The following UBR4 variants were observed in gnomAD, a reference collection of about 807,000 sequenced individuals.
The protein encoded by UBR4 is ubiquitin protein ligase E3 component n-recognin 4.
A neutral mutation model predicts 575.6 loss-of-function variants in UBR4; 124 were observed. The observed-to-expected ratio is 0.22, with a 90% CI of 0.19 to 0.25. UBR4 has a LOEUF of 0.25. Among genes scored for constraint, UBR4 ranks in the 10% least tolerant of loss-of-function variants. UBR4 has a pLI of 1.00. For synonymous variants in UBR4, 2,455 were observed against 2,473.7 expected, an observed-to-expected ratio of 0.99 and a Z score of 0.22; for missense variants, 4,818 against 6,478.8, an observed-to-expected ratio of 0.74 and a Z score of 8.80.
intron 97 of UBR4, among the ~76,000 whole-genome samples, chr1:19,091,698 C>T (rs2077527104): frequency 6.6e-6 from 1 of 152,226 alleles, no homozygotes; most frequent in African/African-American, 2.4e-5. Context: ...AGCAGCCATA[C>T]ATTTCCGGTG....
chr1:19,103,963 T>G, intron 87 of UBR4, 121 bp downstream of exon 87: 1 of 1,130,972 alleles, frequency 8.8e-7, no homozygotes, highest in East Asian at 2.4e-5. Context: ...TCCCTTTGAA[T>G]GCAGGGAGAT....
intron 25 of UBR4, among the ~76,000 whole-genome samples, chr1:19,172,493 G>T (rs61766803): frequency 0.073 from 11,057 of 152,120 alleles, 580 homozygotes; most frequent in Non-Finnish European, 0.12. Context: ...CTCCAGCCTG[G>T]GCGACAGAGC....
intron 5 of UBR4, 95 bp from the exon 6 acceptor site, chr1:19,198,144 TC>T (rs2151616989): frequency 8.2e-7 from 1 of 1,224,406 alleles, no homozygotes. Context: ...CTCTCCAGAC[TC>T]CCCAGTTAGT....
Position 19,173,201 on chromosome 1 carries a change from C to T in UBR4, c.3271G>A (p.Glu1091Lys). Residue 1091 changes from glutamate to lysine, a missense_variant, in exon 24 of 106, where the codon GAG becomes AAG. Coordinates refer to ENST00000375254, the MANE Select transcript of UBR4 (RefSeq NM_020765.3). ...SSVKYDVEIV[E>K]EYFARQISSF... is the part of the protein sequence containing the mutation. ...CATACCTGTCGAGCGAAGTATTCCT[C>T]TACTATTTCAACATCATATTTCACT... The T allele has an allele frequency of 6.2e-7, 1 of 1,614,170 alleles. No individual in the cohort carries two copies. Among genetic ancestry groups the T allele is most frequent in the Non-Finnish European group, 8.5e-7 (1 of 1,180,028 alleles).
chr1:19,176,458 T>C lies in UBR4; in HGVS notation c.2773+134A>G, dbSNP rs558045762. ...TCCATTTCTGAAATGTTTTAATCCA[T>C]AGGTGATTTGCCACCCATAGGGATT... is the stretch of plus-strand genomic sequence containing the variant. On this transcript the variant is annotated intron_variant, in intron 20 of 105. Coordinates refer to ENST00000375254, the MANE Select transcript of UBR4 (RefSeq NM_020765.3). The C allele has an allele frequency of 4.8e-5, 50 of 1,032,612 alleles. No homozygotes were observed. The South Asian group carries it at 5.3e-4, about 11-fold the overall frequency. 64.0% of individuals were successfully genotyped at this position (1,032,612 alleles called of 1,614,324 possible). A position where few individuals can be genotyped will look rare whatever the true frequency, so the allele number is the denominator to read the frequency against.
chr1:19,147,883 T>C, intron 51 of UBR4, 110 bp downstream of exon 51: 5 of 1,479,422 alleles, frequency 3.4e-6, no homozygotes, highest in Non-Finnish European at 4.5e-6. Flanking sequence ...CTAATCTGAA[T>C]GCTATCCTCC....
At position 19,197,917 on chromosome 1, in the gene UBR4, C is replaced by G. The variant is rs777224476; in HGVS notation, c.751+30G>C. 15 of 1,613,142 alleles carry G rather than the reference C, an allele frequency of 9.3e-6. No homozygotes were observed. In the South Asian group the frequency reaches 1.6e-4, roughly 18 times the overall value. On this transcript the variant is annotated intron_variant, in intron 6 of 105. Coordinates refer to ENST00000375254, the MANE Select transcript of UBR4 (RefSeq NM_020765.3). ...AAGGAATTTTTGACAGCCCAGAAATCAGCTTTCTGATAACAGTTGGGAGTC... is the reference window on the plus strand; with the variant it reads ...AAGGAATTTTTGACAGCCCAGAAATGAGCTTTCTGATAACAGTTGGGAGTC...
At chr1:19,171,007 G>C in intron 25 of UBR4, 124 bp from the exon 26 acceptor site, 1 of 1,320,216 alleles carries the variant, frequency 7.6e-7, no homozygotes, top group South Asian at 1.4e-5. Flanking sequence ...GTAGTTGATA[G>C]TGCCTGCCCC....
chr1:19,151,886 G>T, intron 47 of UBR4, 27 bp from the exon 48 acceptor site: 1 of 1,535,016 alleles, frequency 6.5e-7, no homozygotes, highest in Non-Finnish European at 8.7e-7. Context: ...CACACATCAA[G>T]AAACTACAGA....
Position 19,101,547 on chromosome 1 carries a change from G to C in UBR4, c.12996C>G (p.Phe4332Leu). The change falls in exon 88 of 106, where the codon TTC becomes TTG. Residue 4332 changes from phenylalanine (F) to leucine (L), a missense_variant. Physicochemically the swap from Phe to Leu is conservative, Grantham distance 22 (BLOSUM62 0). Transcript: ENST00000375254. ...GATAAATGATGCTGCAGAGCCTCTC[G>C]AAGATGAACACCGGGGTCCGGTAGT... ...LDDYRTPVFIFERLCSIIYPE... is the reference protein window; with the variant it reads ...LDDYRTPVFILERLCSIIYPE... The C allele has an allele frequency of 6.2e-7, 1 of 1,613,826 alleles. No homozygotes were observed. The highest frequency in any genetic ancestry group is 8.5e-7 in the Non-Finnish European group (1 of 1,179,778).
chr1:19,133,305 G>T (rs1222540560), intron 60 of UBR4, among the ~76,000 whole-genome samples: 1 of 152,062 alleles, frequency 6.6e-6, no homozygotes, highest in Non-Finnish European at 1.5e-5. Flanking sequence ...CCATATAAGT[G>T]ATTCAATACA....
rs776711689 is a variant in UBR4 at position 19,172,914 on chromosome 1, G to A, written c.3471C>T (p.Asn1157=). Residue 1157 remains asparagine, a synonymous_variant, in exon 25 of 106, where the codon AAC becomes AAT. Transcript: ENST00000375254. ...TGAGTTGCAGCGTGGCTGGAAGTAG[G>A]TTCTTGGTAATCTCAGACGACTTAT... ...DPHKSSEITK[N]LLPATLQLID... The A allele has an allele frequency of 6.2e-7, 1 of 1,614,190 alleles. No homozygotes were observed. Among genetic ancestry groups the A allele is most frequent in the South Asian group, 1.1e-5 (1 of 91,088 alleles).
Position 19,201,768 on chromosome 1 carries a change from G to T in UBR4, c.224C>A (p.Ser75Ter). ...HHEKQYEPFY[S>*]SFVALSTHYI... ...GTGTGTGGAAAGTGCAACAAAAGAT[G>T]AGTAGAATGGCTCGTACTGCTTCTC... The change falls in exon 2 of 106, where the codon TCA (serine) becomes TAA (stop). Residue 75 changes from serine to a stop codon, truncating the protein, a stop_gained. Coordinates refer to ENST00000375254, the MANE Select transcript of UBR4 (RefSeq NM_020765.3). LOFTEE classifies it high-confidence loss of function. 1 of 1,614,142 alleles carries T rather than the reference G, an allele frequency of 6.2e-7. No homozygotes were observed. The highest frequency in any genetic ancestry group is 1.1e-5 in the South Asian group (1 of 91,074).
chr1:19,085,015 G>A (rs1290765868), intron 101 of UBR4, among the ~76,000 whole-genome samples: 2 of 152,190 alleles, frequency 1.3e-5, no homozygotes, highest in African/African-American at 2.4e-5. Flanking sequence ...ACATTTTGGA[G>A]GAAGCAATGT....
At chr1:19,171,272 C>T (rs537332254) in intron 25 of UBR4, among the ~76,000 whole-genome samples, 1 of 152,328 alleles carries the variant, frequency 6.6e-6, no homozygotes, top group Admixed American at 6.5e-5. Flanking sequence ...GGAACGTTAA[C>T]AGCTCAGTGT....
chr1:19,198,769 T>G, intron 4 of UBR4, 30 bp downstream of exon 4: 1 of 1,613,600 alleles, frequency 6.2e-7, no homozygotes, highest in Non-Finnish European at 8.5e-7. Context: ...GGGGTGGTCA[T>G]GTGATCAGAT....
chr1:19,114,610 T>A (rs772806406), intron 75 of UBR4, among the ~76,000 whole-genome samples: 2 of 152,226 alleles, frequency 1.3e-5, no homozygotes, highest in African/African-American at 2.4e-5. Flanking sequence ...TCAACACTTT[T>A]CTAAAATCCT....
In UBR4 at chr1:19,095,536, G is replaced by C. The variant is rs538271227; in HGVS notation, c.13626+9C>G. 6.0e-5 allele frequency: 96 copies of C among 1,612,916 alleles called. No homozygotes were observed. The highest frequency in any genetic ancestry group is 3.3e-4 in the Admixed American group (20 of 60,004). Reference sequence around the variant, plus strand: ...CCACTCTTCTTCACCTGCAGTCCATGCTCCTTACCAGGTTTAGGGTCCCCA... The same window carrying C: ...CCACTCTTCTTCACCTGCAGTCCATCCTCCTTACCAGGTTTAGGGTCCCCA... On this transcript the variant is annotated intron_variant, in intron 93 of 105. Coordinates refer to ENST00000375254, the MANE Select transcript of UBR4 (RefSeq NM_020765.3).
chr1:19,120,035 TA>T, intron 69 of UBR4, 144 bp downstream of exon 69: 1 of 1,043,564 alleles, frequency 9.6e-7, no homozygotes, highest in Non-Finnish European at 1.4e-6. Context: ...CAGACAACAA[TA>T]AAGAAATCTC....
Sources: gnomAD v4.1 joint callset for allele counts (sites outside exome capture counted in the v4.1 genomes callset) on GRCh38, gnomAD v4.1.1 for gene constraint, MANE v1.5 for transcripts, NCBI Gene and HGNC (gene_info 2026-07-23, HGNC 2026-07-21) for gene names.